SLC26A8: variants seen among roughly 807,000 people sequenced by gnomAD.
The protein encoded by SLC26A8 is testis anion transporter 1.
A neutral mutation model predicts 105.0 loss-of-function variants in SLC26A8; 70 were observed. The observed-to-expected ratio is 0.67, with a 90% CI of 0.55 to 0.81. The LOEUF is 0.81. Among genes scored for constraint, SLC26A8 ranks in the 40% least tolerant of loss-of-function variants. The pLI is 0.00. For synonymous variants in SLC26A8, 415 were observed against 438.3 expected, an observed-to-expected ratio of 0.95 and a Z score of 0.66; for missense variants, 998 against 1,181.8, an observed-to-expected ratio of 0.84 and a Z score of 2.28.
rs1346725120 is a variant in SLC26A8, at chr6:36,019,656, G to A, written c.52C>T (p.Arg18Ter). 9.3e-6 allele frequency: 15 copies of A among 1,614,038 alleles called. No individual in the cohort carries two copies. Among genetic ancestry groups the A allele is most frequent in the Middle Eastern group, 1.7e-4 (1 of 6,060 alleles). ...TTAACATCATATGCGAATGAGTTTC[G>A]CCTGGACTTAGAGCTGAAGCCAGAG... ...AISGFSSKSR[R>*]NSFAYDVKRE... The change falls in exon 2 of 20, where the codon CGA becomes TGA. Residue 18 changes from arginine (R) to a stop codon, truncating the protein, a stop_gained. Transcript: ENST00000490799. LOFTEE classifies it high-confidence loss of function.
chr6:35,967,560 C>A (rs1232304989), intron 11 of SLC26A8, among the ~76,000 whole-genome samples: 3 of 152,186 alleles, frequency 2.0e-5, no homozygotes, highest in Non-Finnish European at 2.9e-5. Context: ...TAGAGGCATG[C>A]TGGCTGAATA....
At chr6:36,024,330 C>G in intron 1 of SLC26A8, 174 bp downstream of exon 1, 1 of 406,762 alleles carries the variant, frequency 2.5e-6, no homozygotes, top group Non-Finnish European at 4.9e-6. Flanking sequence ...GAGACAATAC[C>G]TCAGAGATAA....
At chr6:35,991,550 G>T in intron 7 of SLC26A8, 109 bp downstream of exon 7, 1 of 759,492 alleles carries the variant, frequency 1.3e-6, no homozygotes, top group Non-Finnish European at 1.9e-6. Flanking sequence ...ACAAATATAA[G>T]CATATATTGA....
At chr6:35,972,998 C>T (rs909973854) in intron 10 of SLC26A8, among the ~76,000 whole-genome samples, 4 of 152,194 alleles carry the variant, frequency 2.6e-5, no homozygotes, top group African/African-American at 9.7e-5. Context: ...TACCCTAAAC[C>T]CTTTCAGTAC....
chr6:35,959,877 GAAGCTCCTAGA>G, intron 14 of SLC26A8, 71 bp from the exon 15 acceptor site: 1 of 1,158,386 alleles, frequency 8.6e-7, no homozygotes, highest in Middle Eastern at 2.6e-4. Context: ...TATATCCTTA[GAAGCTCCTAGA>G]GAGTCTGTAT....
At chr6:36,009,218 G>A (rs187662653) in intron 3 of SLC26A8, among the ~76,000 whole-genome samples, 19 of 152,260 alleles carry the variant, frequency 1.2e-4, no homozygotes, top group African/African-American at 2.4e-4. Flanking sequence ...GGGTGTGGTG[G>A]CGTGCGCCTG....
chr6:35,994,118 T>G (rs1461292802), intron 5 of SLC26A8, among the ~76,000 whole-genome samples: 1 of 144,886 alleles, frequency 6.9e-6, no homozygotes, highest in African/African-American at 2.5e-5. Context: ...TTTCTTTTCT[T>G]TTTTTTTTTT....
chr6:35,944,882 C>G (rs987634730), intron 19 of SLC26A8, among the ~76,000 whole-genome samples: 7 of 152,150 alleles, frequency 4.6e-5, no homozygotes, highest in Admixed American at 1.3e-4. Context: ...CAGAGTCTTG[C>G]TCTGTTGCCC....
chr6:36,008,453 A>C (rs890271058), intron 3 of SLC26A8, among the ~76,000 whole-genome samples: 1 of 152,218 alleles, frequency 6.6e-6, no homozygotes, highest in African/African-American at 2.4e-5. Flanking sequence ...AACCTCATTA[A>C]CCATTAGGGA....
At chr6:35,966,901 C>T (rs903777767) in intron 11 of SLC26A8, among the ~76,000 whole-genome samples, 1 of 152,112 alleles carries the variant, frequency 6.6e-6, no homozygotes, top group African/African-American at 2.4e-5. Context: ...AAAGGAGTCC[C>T]AAATTTTATC....
chr6:36,024,620 C>T lies in SLC26A8; in HGVS notation c.-119G>A, dbSNP rs1404093503. 2 of 382,616 alleles carry T rather than the reference C, an allele frequency of 5.2e-6. No individual in the cohort carries two copies. The highest frequency in any genetic ancestry group is 4.2e-5 in the African/African-American group (2 of 47,560). 23.7% of individuals were successfully genotyped at this position (382,616 alleles called of 1,614,324 possible). A position where few individuals can be genotyped will look rare whatever the true frequency, so the allele number is the denominator to read the frequency against. ...GGTTCCCGAGCCGTTGTGGCCTAGCCCGCGGGCGTTCCGGGCGGGCTGAGG... is the reference window on the plus strand; with the variant it reads ...GGTTCCCGAGCCGTTGTGGCCTAGCTCGCGGGCGTTCCGGGCGGGCTGAGG... On this transcript the variant is annotated 5_prime_UTR_variant, in exon 1 of 20. Coordinates refer to ENST00000490799, the MANE Select transcript of SLC26A8 (RefSeq NM_052961.4).
rs377633923 is a variant in SLC26A8, at chr6:36,000,538, G to A, written c.329-430C>T. Among the ~76,000 whole-genome samples the A allele has an allele frequency of 1.2e-4, 19 of 152,148 alleles. 1 individual carries two copies. In the East Asian group the frequency reaches 1.9e-3, roughly 15 times the overall value. On this transcript the variant is annotated intron_variant, in intron 3 of 19. Coordinates refer to ENST00000490799, the MANE Select transcript of SLC26A8 (RefSeq NM_052961.4). ...AATCACACTTCACTGACTTGAAGTT[G>A]GTATGTGTTGGTTCTCTTCCATAGG...
intron 10 of SLC26A8, among the ~76,000 whole-genome samples, chr6:35,973,607 C>T (rs1562035384): frequency 1.3e-5 from 2 of 151,882 alleles, no homozygotes; most frequent in African/African-American, 2.4e-5. Flanking sequence ...TTATGTGTGG[C>T]CCAAGACAAT....
At position 35,968,607 on chromosome 6, in the gene SLC26A8, GTGTATATATATATATATATATATATATA is replaced by G. The variant is rs1326255259; in HGVS notation, c.1365+242_1365+269del. The stretch of plus-strand genomic sequence containing the variant: ...TGTGTGTATGTGTGTGTGTGTGTGT[GTGTATATATATATATATATATATATATA>G]TATATATATATATATATATCTCACA... On this transcript the variant is annotated intron_variant, in intron 11 of 19. Transcript: ENST00000490799. Among the ~76,000 whole-genome samples the G allele has an allele frequency of 1.0e-3, 48 of 47,036 alleles. 2 individuals are homozygous for G. The highest frequency in any genetic ancestry group is 1.2e-3 in the Non-Finnish European group (35 of 28,940). The allele number at this position is 47,036 out of a possible 152,430, so 30.9% of individuals were successfully genotyped here.
At chr6:36,006,460 A>ACTGTG (rs1761689274) in intron 3 of SLC26A8, among the ~76,000 whole-genome samples, 1 of 152,114 alleles carries the variant, frequency 6.6e-6, no homozygotes, top group Admixed American at 6.6e-5. Context: ...TTGAGTACCT[A>ACTGTG]CTATGTGCTA....
chr6:36,009,285 AG>A (rs1761779535), intron 3 of SLC26A8, among the ~76,000 whole-genome samples: 1 of 152,164 alleles, frequency 6.6e-6, no homozygotes, highest in Non-Finnish European at 1.5e-5. Context: ...CGGGTGGCAG[AG>A]GTTGTAGTGA....
chr6:35,980,474 C>T (rs1366841028), intron 8 of SLC26A8, among the ~76,000 whole-genome samples: 2 of 152,164 alleles, frequency 1.3e-5, no homozygotes, highest in Non-Finnish European at 2.9e-5. Context: ...TACCTCAAAG[C>T]ATTACTGTGG....
At chr6:35,959,226 A>G (rs1772212466) in intron 16 of SLC26A8, among the ~76,000 whole-genome samples, 2 of 152,126 alleles carry the variant, frequency 1.3e-5, no homozygotes, top group Admixed American at 6.6e-5. Context: ...AAGTCAGAAC[A>G]CTTCCCACCT....
intron 5 of SLC26A8, among the ~76,000 whole-genome samples, chr6:35,994,153 C>G (rs1330524845): frequency 7.7e-6 from 1 of 130,020 alleles, no homozygotes; most frequent in Non-Finnish European, 1.6e-5. Context: ...CTTGCTCTGT[C>G]GCCCAGGCTG....
Sources: allele counts gnomAD v4.1 joint callset (sites outside exome capture counted in the v4.1 genomes callset), GRCh38; gene constraint gnomAD v4.1.1; transcripts MANE v1.5; gene names NCBI Gene and HGNC (gene_info 2026-07-23, HGNC 2026-07-21).